The following STOML1 variants were observed in gnomAD, a reference collection of about 807,000 sequenced individuals.
STOML1 encodes stomatin like 1.
A neutral mutation model predicts 35.7 loss-of-function variants in STOML1; 27 were observed. That is an observed-to-expected ratio of 0.76 (90% CI 0.56 to 1.04). The LOEUF (loss-of-function observed/expected upper bound fraction) is 1.04. STOML1 is among the 50% of genes least tolerant of loss of function. The pLI is 0.00. For synonymous variants in STOML1, 219 were observed against 227.9 expected, an observed-to-expected ratio of 0.96 and a Z score of 0.35; for missense variants, 451 against 527.1, an observed-to-expected ratio of 0.86 and a Z score of 1.41.
intron 2 of STOML1, 90 bp from the exon 3 acceptor site, chr15:73,989,347 C>G: frequency 7.3e-7 from 1 of 1,378,440 alleles, no homozygotes; most frequent in Non-Finnish European, 9.5e-7. Context: ...CTTCTCTCCT[C>G]CTCACCTGGG....
At chr15:73,989,361 CAGTT>C in intron 2 of STOML1, 104 bp from the exon 3 acceptor site, 1 of 1,315,592 alleles carries the variant, frequency 7.6e-7, no homozygotes, top group Non-Finnish European at 1.0e-6. Flanking sequence ...ACCTGGGTCA[CAGTT>C]AGGTATCCCT....
At chr15:73,993,009 T>C (rs1347682952), upstream of STOML1, among the ~76,000 whole-genome samples, 1 of 152,160 alleles carries the variant, frequency 6.6e-6, no homozygotes, top group Non-Finnish European at 1.5e-5. Flanking sequence ...AATACTTATT[T>C]GTTAAGTAAT....
intron 5 of STOML1, 99 bp downstream of exon 5, chr15:73,985,219 G>T: frequency 2.2e-6 from 3 of 1,341,352 alleles, no homozygotes; most frequent in Non-Finnish European, 2.0e-6. Flanking sequence ...GAACATCTGT[G>T]CAGGGTGTGT....
Position 73,981,261 on chromosome 15 carries a change from C to G in STOML1, c.*2676G>C, listed in dbSNP as rs766591865. On this transcript the variant is annotated 3_prime_UTR_variant, in exon 7 of 7. Coordinates refer to ENST00000541638, the MANE Select transcript of STOML1 (RefSeq NM_004809.5). ...ATCCTGGCTACTCAGGTGTCTGAGG[C>G]AGGAGAATCACTTGAATCCGGGAGG... 1 of 151,988 alleles carries G rather than the reference C, an allele frequency of 6.6e-6. No individual in the cohort carries two copies. Among genetic ancestry groups the G allele is most frequent in the Non-Finnish European group, 1.5e-5 (1 of 68,020 alleles). 9.4% of individuals were successfully genotyped at this position (151,988 alleles called of 1,614,324 possible). A position where few individuals can be genotyped will look rare whatever the true frequency, so the allele number is the denominator to read the frequency against.
upstream of STOML1, chr15:73,992,306 C>G (rs1242088331): frequency 4.9e-6 from 7 of 1,436,388 alleles, no homozygotes; most frequent in Middle Eastern, 2.4e-4. Context: ...GCCCTCCTGG[C>G]TGCTGCTTCC....
At position 73,985,415 on chromosome 15, in the gene STOML1, A is replaced by G; in HGVS notation, c.693T>C (p.Ala231=). Residue 231 remains alanine (A), a synonymous_variant, in exon 5 of 7, where the codon GCT becomes GCC. Transcript: ENST00000541638. ...GGAGGGTGCTGTCCAGGTTGGGCCC[A>G]GCTGGGCTGTCCTGGGGCGGCTGGA... ...AVLQPPQDSP[A]GPNLDSTLQQ... The G allele has an allele frequency of 6.4e-7, 1 of 1,563,514 alleles. No individual in the cohort carries two copies. Among genetic ancestry groups the G allele is most frequent in the Non-Finnish European group, 8.6e-7 (1 of 1,162,222 alleles).
intron 1 of STOML1, chr15:73,991,139 A>C (rs1029532558): frequency 6.9e-6 from 3 of 433,224 alleles, no homozygotes; most frequent in African/African-American, 4.3e-5. Context: ...AAACAACAAA[A>C]AACAAAAACA....
Position 73,988,997 on chromosome 15 carries a change from T to C in STOML1, c.390+111A>G. On this transcript the variant is annotated intron_variant, in intron 3 of 6. Coordinates refer to ENST00000541638, the MANE Select transcript of STOML1 (RefSeq NM_004809.5). This position sits in a 1 kb window ranked among gnomAD's most constrained non-coding sequence, Gnocchi z 4.8. Reference sequence around the variant, plus strand: ...AGCTTCCATCAATTTTCTGGTCTCTTCTTCCCCCTTCCCCCCTCAGATGGT... The same window carrying C: ...AGCTTCCATCAATTTTCTGGTCTCTCCTTCCCCCTTCCCCCCTCAGATGGT... 6.7e-7 allele frequency: 1 copy of C among 1,496,860 alleles called. No individual in the cohort carries two copies. The highest frequency in any genetic ancestry group is 1.4e-5 in the South Asian group (1 of 73,980). The allele number at this position is 1,496,860 out of a possible 1,614,324, so 92.7% of individuals were successfully genotyped here. A position where few individuals can be genotyped will look rare whatever the true frequency, so the allele number is the denominator to read the frequency against.
intron 1 of STOML1, 111 bp from the exon 2 acceptor site, chr15:73,990,568 T>C (rs1220456993): frequency 9.7e-7 from 1 of 1,029,902 alleles, no homozygotes; most frequent in Admixed American, 2.4e-5. Context: ...GCTCCTTCCT[T>C]CTCAGGGCTC....
upstream of STOML1, chr15:73,992,337 C>G (rs2141684314): frequency 1.6e-6 from 2 of 1,256,158 alleles, no homozygotes; most frequent in East Asian, 6.5e-5. Flanking sequence ...GCGCGGCCAC[C>G]CGCGGCGGCG....
At chr15:73,985,857 G>C in intron 4 of STOML1, 1 of 270,712 alleles carries the variant, frequency 3.7e-6, no homozygotes, top group Non-Finnish European at 7.0e-6. Context: ...GTTCCATTTA[G>C]CTGGACCCTC....
rs1042356191 is a variant in STOML1, at chr15:73,988,404, G to A, written c.594+195C>T. The A allele has an allele frequency of 2.1e-5, 14 of 655,202 alleles. No homozygotes were observed. The highest frequency in any genetic ancestry group is 3.6e-5 in the African/African-American group (2 of 54,900). 40.6% of individuals were successfully genotyped at this position (655,202 alleles called of 1,614,324 possible). A position where few individuals can be genotyped will look rare whatever the true frequency, so the allele number is the denominator to read the frequency against. ...CTCAGGGACAAGTTTGCCCAGGATC[G>A]TTATGGTCTACGCCCACCTGCCATT... is the stretch of plus-strand genomic sequence containing the variant. On this transcript the variant is annotated intron_variant, in intron 4 of 6. Coordinates refer to ENST00000541638, the MANE Select transcript of STOML1 (RefSeq NM_004809.5). The surrounding 1 kb of genome is among the most constrained non-coding windows in gnomAD (Gnocchi z 4.8).
Position 73,983,553 on chromosome 15 carries a change from G to A in STOML1, c.*384C>T, listed in dbSNP as rs577432417. On this transcript the variant is annotated 3_prime_UTR_variant, in exon 7 of 7. Coordinates refer to ENST00000541638, the MANE Select transcript of STOML1 (RefSeq NM_004809.5). ...CAATCCCCGCAGAGCTTAGAGCCTG[G>A]GCCACATGCTTGGTCCCTCACACAA... 5.7e-6 allele frequency: 1 copy of A among 175,572 alleles called. No individual in the cohort carries two copies. Among genetic ancestry groups the A allele is most frequent in the South Asian group, 1.7e-4 (1 of 5,896 alleles). 10.9% of individuals were successfully genotyped at this position (175,572 alleles called of 1,614,324 possible). A position where few individuals can be genotyped will look rare whatever the true frequency, so the allele number is the denominator to read the frequency against.
At position 73,988,701 on chromosome 15, in the gene STOML1, T is replaced by C; in HGVS notation, c.492A>G (p.Thr164=). ...CGTTCTGGGCTGTCATGCGTGTGGC[T>C]GTGTTCAGGTCTTTCACAGTCATCA... is the stretch of plus-strand genomic sequence containing the variant. The part of the protein sequence containing the change: ...LSVMTVKDLN[T]ATRMTAQNAM... Residue 164 remains threonine (T), a synonymous_variant, in exon 4 of 7, where the codon ACA becomes ACG. Transcript: ENST00000541638. This position sits in a 1 kb window ranked among gnomAD's most constrained non-coding sequence, Gnocchi z 4.8. 1 of 1,614,186 alleles carries C rather than the reference T, an allele frequency of 6.2e-7. No homozygotes were observed. Among genetic ancestry groups the C allele is most frequent in the Admixed American group, 1.7e-5 (1 of 60,030 alleles).
chr15:73,989,337 C>T (rs949337094), intron 2 of STOML1, 80 bp from the exon 3 acceptor site: 84 of 1,408,098 alleles, frequency 6.0e-5, no homozygotes, highest in Non-Finnish European at 7.4e-5. Context: ...CCCTTCCTCA[C>T]TTCTCTCCTC....
rs895857776 is a variant in STOML1, at chr15:73,982,486, A to T, written c.*1451T>A. ...GACAGAGGGGTCTGTGCTGGGCTTT[A>T]GGGAGGTGCCTCAGGCAATGTGGAG... On this transcript the variant is annotated 3_prime_UTR_variant, in exon 7 of 7. Coordinates refer to ENST00000541638, the MANE Select transcript of STOML1 (RefSeq NM_004809.5). 4 of 152,774 alleles carry T rather than the reference A, an allele frequency of 2.6e-5. No homozygotes were observed. Among genetic ancestry groups the T allele is most frequent in the Non-Finnish European group, 5.8e-5 (4 of 68,522 alleles). 9.5% of individuals were successfully genotyped at this position (152,774 alleles called of 1,614,324 possible). A position where few individuals can be genotyped will look rare whatever the true frequency, so the allele number is the denominator to read the frequency against.
In STOML1 at chr15:73,992,216, C is replaced by A. The variant is rs2069302792; in HGVS notation, c.8G>T (p.Gly3Val). ML[G>V]RSGYRALPLG... ...GGGCAGCGCCCGGTACCCAGACCTG[C>A]CGAGCATGGCTTTTGACAGGAGACA... Residue 3 changes from glycine to valine, a missense_variant, in exon 1 of 7, where the codon GGC (glycine) becomes GTC (valine). Physicochemically the swap from Gly to Val is moderately radical, Grantham distance 109. Transcript: ENST00000541638. 6.2e-7 allele frequency: 1 copy of A among 1,600,276 alleles called. No individual in the cohort carries two copies. Among genetic ancestry groups the A allele is most frequent in the Non-Finnish European group, 8.5e-7 (1 of 1,175,004 alleles).
chr15:73,985,875 G>A (rs1433926158), intron 4 of STOML1: 3 of 245,920 alleles, frequency 1.2e-5, no homozygotes, highest in African/African-American at 2.3e-5. Context: ...CTCACATGTC[G>A]GCTGAGGACT....
In STOML1 at chr15:73,988,957, C is replaced by G; in HGVS notation, c.390+151G>C. 7.0e-7 allele frequency: 1 copy of G among 1,423,544 alleles called. No individual in the cohort carries two copies. The highest frequency in any genetic ancestry group is 9.5e-7 in the Non-Finnish European group (1 of 1,058,048). The allele number at this position is 1,423,544 out of a possible 1,614,324, so 88.2% of individuals were successfully genotyped here. A position where few individuals can be genotyped will look rare whatever the true frequency, so the allele number is the denominator to read the frequency against. On this transcript the variant is annotated intron_variant, in intron 3 of 6. Transcript: ENST00000541638. The surrounding 1 kb of genome is among the most constrained non-coding windows in gnomAD (Gnocchi z 4.8). ...AGTATGTAGGGTTAGGTGTATGAAG[C>G]AAGGATGTCCTCCTAGCTTCCATCA...
Sources: gnomAD v4.1 joint callset for allele counts (sites outside exome capture counted in the v4.1 genomes callset) on GRCh38, gnomAD v4.1.1 for gene constraint, Gnocchi (gnomAD v3.1) non-coding constraint, MANE v1.5 for transcripts, NCBI Gene and HGNC (gene_info 2026-07-23, HGNC 2026-07-21) for gene names.